Variants in THRB observed in about 807,000 individuals in gnomAD.
THRB encodes nuclear receptor subfamily 1 group A member 2.
THRB carries 12 observed loss-of-function variants against 47.8 expected under a neutral mutation model. That is an observed-to-expected ratio of 0.25 (90% CI 0.16 to 0.41). The LOEUF (loss-of-function observed/expected upper bound fraction) is 0.41. Among genes scored for constraint, THRB ranks in the 10% least tolerant of loss-of-function variants. THRB has a pLI of 1.00. For synonymous variants in THRB, 218 were observed against 212.2 expected, an observed-to-expected ratio of 1.03 and a Z score of -0.24; for missense variants, 348 against 589.2, an observed-to-expected ratio of 0.59 and a Z score of 4.24.
Position 24,217,555 on chromosome 3 carries a change from CA to C in THRB, c.22+11382del, listed in dbSNP as rs67221503. Among the ~76,000 whole-genome samples the C allele has an allele frequency of 5.7e-3, 714 of 126,358 alleles. 3 individuals are homozygous for C. The highest frequency in any genetic ancestry group is 0.024 in the South Asian group (101 of 4,142). 82.9% of individuals were successfully genotyped at this position (126,358 alleles called of 152,430 possible). ...TTGGGAGAAAATAAGAGGATCTTGG[CA>C]AAAAAAAAAAATGTTGAAAATCACA... On this transcript the variant is annotated intron_variant, in intron 4 of 10. Transcript: ENST00000646209.
At chr3:24,420,746 G>A (rs146895582) in intron 1 of THRB, among the ~76,000 whole-genome samples, 9 of 151,962 alleles carry the variant, frequency 5.9e-5, no homozygotes, top group East Asian at 3.9e-4. Flanking sequence ...ATGCACTGTC[G>A]GTGGGAATGT....
At chr3:24,335,310 T>C (rs1388865533) in intron 2 of THRB, among the ~76,000 whole-genome samples, 1 of 152,190 alleles carries the variant, frequency 6.6e-6, no homozygotes, top group African/African-American at 2.4e-5. Flanking sequence ...TGGAATTCCT[T>C]GAGAGTTTTT....
intron 9 of THRB, among the ~76,000 whole-genome samples, chr3:24,132,258 T>C (rs183615686): frequency 1.5e-3 from 228 of 152,324 alleles, no homozygotes; most frequent in Non-Finnish European, 2.7e-3. Context: ...TTGGTATCTT[T>C]CTGGGTCCTC....
chr3:24,230,556 G>A (rs1416071687), intron 3 of THRB, among the ~76,000 whole-genome samples: 1 of 152,176 alleles, frequency 6.6e-6, no homozygotes, highest in Admixed American at 6.5e-5. Flanking sequence ...CTGTCCAGCA[G>A]CATTTTGAGT....
chr3:24,285,051 A>G (rs566735783), intron 3 of THRB, among the ~76,000 whole-genome samples: 66 of 152,186 alleles, frequency 4.3e-4, no homozygotes, highest in Admixed American at 9.2e-4. Flanking sequence ...AGAACTAGAC[A>G]TACCATTTGA....
At chr3:24,169,503 T>A (rs2040136217) in intron 5 of THRB, among the ~76,000 whole-genome samples, 1 of 152,008 alleles carries the variant, frequency 6.6e-6, no homozygotes, top group Non-Finnish European at 1.5e-5. Flanking sequence ...GGACTTCTTT[T>A]TTTCTCGAGA....
At chr3:24,213,003 C>T (rs941104107) in intron 4 of THRB, among the ~76,000 whole-genome samples, 16 of 152,108 alleles carry the variant, frequency 1.1e-4, no homozygotes, top group Admixed American at 9.2e-4. Context: ...ATTCTTTAAG[C>T]GGAGTGAGCA....
At chr3:24,337,252 T>C (rs2062320919) in intron 2 of THRB, 48 bp downstream of exon 2, 1 of 152,186 alleles carries the variant, frequency 6.6e-6, no homozygotes, top group Non-Finnish European at 1.5e-5. Context: ...AAAGGGACAA[T>C]TAATAGCAAA....
chr3:24,417,138 A>AGTGTG, intron 1 of THRB, among the ~76,000 whole-genome samples: 1 of 151,206 alleles, frequency 6.6e-6, no homozygotes, highest in South Asian at 2.1e-4. Flanking sequence ...ACACACACAC[A>AGTGTG]CGCGCAACGC....
intron 1 of THRB, among the ~76,000 whole-genome samples, chr3:24,391,859 C>T (rs1219026075): frequency 1.3e-5 from 2 of 152,130 alleles, no homozygotes; most frequent in Non-Finnish European, 2.9e-5. Context: ...TACTAACTGA[C>T]TTACTCTTCG....
intron 3 of THRB, among the ~76,000 whole-genome samples, chr3:24,253,790 G>A (rs937470901): frequency 2.0e-5 from 3 of 152,086 alleles, no homozygotes; most frequent in Non-Finnish European, 2.9e-5. Context: ...GGCTGGCCAG[G>A]TAGATGATCA....
intron 2 of THRB, among the ~76,000 whole-genome samples, chr3:24,299,876 G>A (rs1046044074): frequency 1.4e-5 from 2 of 147,830 alleles, no homozygotes; most frequent in Non-Finnish European, 3.0e-5. Flanking sequence ...TACTTTTTCA[G>A]TGTGTTCCTA....
At chr3:24,137,664 G>A (rs1192073492) in intron 8 of THRB, among the ~76,000 whole-genome samples, 1 of 152,148 alleles carries the variant, frequency 6.6e-6, no homozygotes, top group African/African-American at 2.4e-5. Flanking sequence ...GGTAGGCAGG[G>A]GGATCCGTGA....
At position 24,478,273 on chromosome 3, in the gene THRB, A is replaced by C. The variant is rs1333310606; in HGVS notation, c.-261+16379T>G. ...TTTAGTTTTGAGGAAGCTATCTTTT[A>C]TGTCATCATTTTTTGTAAGTATCTG... On this transcript the variant is annotated intron_variant, in intron 1 of 10. Coordinates refer to ENST00000646209, the MANE Select transcript of THRB (RefSeq NM_001354712.2). 3.3e-5 allele frequency among the ~76,000 whole-genome samples: 5 copies of C among 152,130 alleles called. No homozygotes were observed. The East Asian group carries it at 9.6e-4, about 29-fold the overall frequency.
At chr3:24,384,000 C>T (rs1204031959) in intron 1 of THRB, among the ~76,000 whole-genome samples, 1 of 152,106 alleles carries the variant, frequency 6.6e-6, no homozygotes, top group African/African-American at 2.4e-5. Flanking sequence ...CTTAAGGGAT[C>T]TTTCTTGGTC....
At chr3:24,464,293 G>T (rs990223756) in intron 1 of THRB, among the ~76,000 whole-genome samples, 1 of 151,368 alleles carries the variant, frequency 6.6e-6, no homozygotes, top group Non-Finnish European at 1.5e-5. Context: ...GCATTAGTTT[G>T]GTTAATATGG....
chr3:24,446,560 C>CAA (rs755620840), intron 1 of THRB, among the ~76,000 whole-genome samples: 660 of 41,396 alleles, frequency 0.016, 6 homozygotes, highest in African/African-American at 0.041. Flanking sequence ...AGATCTTTCT[C>CAA]AAAAAAAAAA....
chr3:24,169,172 AG>A (rs1213082704), intron 5 of THRB, among the ~76,000 whole-genome samples: 1 of 152,182 alleles, frequency 6.6e-6, no homozygotes, highest in Non-Finnish European at 1.5e-5. Flanking sequence ...ATGGCCCCTG[AG>A]AAAAAAACTA....
At chr3:24,259,567 G>A (rs1371196502) in intron 3 of THRB, among the ~76,000 whole-genome samples, 6 of 148,908 alleles carry the variant, frequency 4.0e-5, no homozygotes, top group Non-Finnish European at 8.9e-5. Context: ...CAGCCACTTT[G>A]GTCCAAGTTT....
Sources: gnomAD v4.1 joint callset for allele counts (sites outside exome capture counted in the v4.1 genomes callset) on GRCh38, gnomAD v4.1.1 for gene constraint, MANE v1.5 for transcripts, NCBI Gene and HGNC (gene_info 2026-07-23, HGNC 2026-07-21) for gene names.